RIMS1: variants seen among roughly 807,000 people sequenced by gnomAD.
RIMS1 encodes regulating synaptic membrane exocytosis 1.
In RIMS1, 83 loss-of-function variants were observed where a neutral mutation model predicts 214.1. The observed-to-expected ratio is 0.39, with a 90% CI of 0.32 to 0.47. The LOEUF (loss-of-function observed/expected upper bound fraction) is 0.47, where lower values mean the gene tolerates loss of function less well. Among genes scored for constraint, RIMS1 ranks in the 20% least tolerant of loss-of-function variants. RIMS1 has a pLI of 0.99. For missense variants in RIMS1, 2,050 were observed against 2,161.8 expected (o/e 0.95, Z 1.03); for synonymous variants, 793 against 786.8 (o/e 1.01, Z -0.13).
chr6:72,009,608 A>C (rs1189061332), intron 2 of RIMS1, among the ~76,000 whole-genome samples: 7 of 151,768 alleles, frequency 4.6e-5, no homozygotes, highest in African/African-American at 1.5e-4. Flanking sequence ...AGAGAGAAGA[A>C]TCAAATAGAC....
intron 6 of RIMS1, among the ~76,000 whole-genome samples, chr6:72,189,318 G>C (rs932133786): frequency 1.3e-5 from 2 of 152,200 alleles, no homozygotes; most frequent in Non-Finnish European, 1.5e-5. Context: ...GCTTCAGGAT[G>C]ATGGGGAACA....
intron 1 of RIMS1, among the ~76,000 whole-genome samples, chr6:71,935,587 T>G (rs1562228583): frequency 6.6e-6 from 1 of 152,166 alleles, no homozygotes; most frequent in Non-Finnish European, 1.5e-5. Context: ...TGTTCTTGCT[T>G]TTATAAATAT....
chr6:72,253,887 G>A (rs962929947), intron 16 of RIMS1, among the ~76,000 whole-genome samples: 3 of 151,860 alleles, frequency 2.0e-5, no homozygotes, highest in Non-Finnish European at 4.4e-5. Flanking sequence ...ATTTATTTGA[G>A]ACGGAGTCTC....
chr6:72,251,511 G>A, intron 15 of RIMS1, 143 bp downstream of exon 15: 3 of 683,388 alleles, frequency 4.4e-6, no homozygotes, highest in Non-Finnish European at 6.9e-6. Context: ...AAGCAACTTG[G>A]CAAAACTGTT....
At chr6:72,131,707 AG>A (rs918177832) in intron 4 of RIMS1, among the ~76,000 whole-genome samples, 2 of 152,216 alleles carry the variant, frequency 1.3e-5, no homozygotes, top group Non-Finnish European at 2.9e-5. Context: ...ATCAGGAGAC[AG>A]GGCTTTGAGA....
At chr6:72,267,424 T>A (rs1465659446) in intron 22 of RIMS1, among the ~76,000 whole-genome samples, 1 of 152,196 alleles carries the variant, frequency 6.6e-6, no homozygotes, top group African/African-American at 2.4e-5. Context: ...AGAAACATAA[T>A]GCAAGCTGAT....
intron 1 of RIMS1, among the ~76,000 whole-genome samples, chr6:71,931,249 A>G (rs1009822821): frequency 1.3e-5 from 2 of 152,056 alleles, no homozygotes; most frequent in Non-Finnish European, 1.5e-5. Context: ...ATTTACATCC[A>G]AACTCTAATT....
rs568067998 is a variant in RIMS1 at position 71,967,009 on chromosome 6, A to G, written c.165-1974A>G. Among the ~76,000 whole-genome samples the G allele has an allele frequency of 6.6e-5, 10 of 152,352 alleles. No individual in the cohort carries two copies. In the South Asian group the frequency reaches 2.1e-3, roughly 32 times the overall value. Reference sequence around the variant, plus strand: ...GACTTGAGGGGAAAAAAAGAGATGAATTAAGATTTCTCATAGATTTAATTC... The same window carrying G: ...GACTTGAGGGGAAAAAAAGAGATGAGTTAAGATTTCTCATAGATTTAATTC... On this transcript the variant is annotated intron_variant, in intron 1 of 33. Coordinates refer to ENST00000521978, the MANE Select transcript of RIMS1 (RefSeq NM_014989.7).
At chr6:72,171,399 C>T (rs1010318006) in intron 4 of RIMS1, among the ~76,000 whole-genome samples, 1 of 151,120 alleles carries the variant, frequency 6.6e-6, no homozygotes, top group African/African-American at 2.4e-5. Flanking sequence ...CACATACACA[C>T]ACACACACCT....
intron 29 of RIMS1, among the ~76,000 whole-genome samples, chr6:72,376,354 T>A (rs2807508): frequency 0.02 from 3,050 of 152,244 alleles, 87 homozygotes; most frequent in African/African-American, 0.068. Context: ...CCCGGTGTGT[T>A]AATGTGAGAA....
At chr6:72,125,617 C>G (rs1365329976) in intron 4 of RIMS1, among the ~76,000 whole-genome samples, 1 of 152,210 alleles carries the variant, frequency 6.6e-6, no homozygotes, top group Non-Finnish European at 1.5e-5. Flanking sequence ...GCAGGCAGGC[C>G]TCACTGAGCT....
intron 1 of RIMS1, among the ~76,000 whole-genome samples, chr6:71,951,247 C>G (rs1583324377): frequency 6.6e-6 from 1 of 151,886 alleles, no homozygotes; most frequent in Non-Finnish European, 1.5e-5. Flanking sequence ...AATTATTTTT[C>G]TACCTAAAGC....
chr6:72,289,065 GC>G (rs2092895832), intron 24 of RIMS1, among the ~76,000 whole-genome samples: 1 of 152,116 alleles, frequency 6.6e-6, no homozygotes, highest in Non-Finnish European at 1.5e-5. Context: ...TTAGTTTGAT[GC>G]CACAGAAAGT....
At chr6:71,928,462 T>G (rs1167540622) in intron 1 of RIMS1, among the ~76,000 whole-genome samples, 1 of 152,084 alleles carries the variant, frequency 6.6e-6, no homozygotes, top group Non-Finnish European at 1.5e-5. Context: ...TTGAATTTAT[T>G]TTTTCCATCT....
chr6:72,107,941 C>T (rs944915466), intron 4 of RIMS1, among the ~76,000 whole-genome samples: 1 of 152,156 alleles, frequency 6.6e-6, no homozygotes, highest in South Asian at 2.1e-4. Flanking sequence ...TCAGAGATTA[C>T]ACAACAGCCT....
At chr6:71,951,544 G>T (rs1272236518) in intron 1 of RIMS1, among the ~76,000 whole-genome samples, 1 of 147,772 alleles carries the variant, frequency 6.8e-6, no homozygotes, top group Admixed American at 6.8e-5. Flanking sequence ...AGGCAGGAGT[G>T]CAGTGATGCA....
intron 2 of RIMS1, among the ~76,000 whole-genome samples, chr6:72,053,133 T>C (rs1300056729): frequency 6.6e-6 from 1 of 152,138 alleles, no homozygotes; most frequent in African/African-American, 2.4e-5. Flanking sequence ...TAACCAACCT[T>C]GGCATAGGTC....
At chr6:72,263,701 C>T in intron 19 of RIMS1, 2 of 985,168 alleles carry the variant, frequency 2.0e-6, no homozygotes, top group Non-Finnish European at 2.4e-6. Flanking sequence ...AAAATTTGTC[C>T]TCAACTTGTA....
In RIMS1 at chr6:72,036,396, T is replaced by C. The variant is rs888285831; in HGVS notation, c.246-60553T>C. Among the ~76,000 whole-genome samples, 6 of 152,160 alleles carry C rather than the reference T, an allele frequency of 3.9e-5. No individual in the cohort carries two copies. The South Asian group carries it at 1.2e-3, about 31-fold the overall frequency. On this transcript the variant is annotated intron_variant, in intron 2 of 33. Transcript: ENST00000521978. Reference sequence around the variant, plus strand: ...TTCACAGAACTGTTTGTATGTTTATTCATGCATCCCTGCACTTATCTATTC... The same window carrying C: ...TTCACAGAACTGTTTGTATGTTTATCCATGCATCCCTGCACTTATCTATTC...
Sources: allele counts gnomAD v4.1 joint callset (sites outside exome capture counted in the v4.1 genomes callset), GRCh38; gene constraint gnomAD v4.1.1; transcripts MANE v1.5; gene names NCBI Gene and HGNC (gene_info 2026-07-23, HGNC 2026-07-21).